BTNL8: variants seen among roughly 807,000 people sequenced by gnomAD.
BTNL8 encodes the protein butyrophilin like 8.
A neutral mutation model predicts 36.1 loss-of-function variants in BTNL8; 22 were observed. The observed-to-expected ratio is 0.61, with a 90% confidence interval of 0.44 to 0.87. BTNL8 has a LOEUF of 0.87. BTNL8 is among the 40% of genes least tolerant of loss of function. The pLI, the probability that BTNL8 is intolerant of heterozygous loss-of-function variation, is 0.00. For missense variants in BTNL8, 526 were observed against 616.9 expected (o/e 0.85, Z 1.56); for synonymous variants, 203 against 235.6 (o/e 0.86, Z 1.27).
chr5:180,905,300 T>C (rs1757028546), intron 1 of BTNL8, among the ~76,000 whole-genome samples: 1 of 150,370 alleles, frequency 6.7e-6, no homozygotes, highest in Non-Finnish European at 1.5e-5. Flanking sequence ...CTAGATTTTC[T>C]AGTTTATTTG....
At chr5:180,949,492 G>A in intron 7 of BTNL8, 1 of 689,082 alleles carries the variant, frequency 1.5e-6, no homozygotes, top group East Asian at 3.3e-5. Context: ...CGGGAGACGG[G>A]GGGGTCTTTG....
chr5:180,946,931 T>C (rs1412981699), intron 3 of BTNL8, among the ~76,000 whole-genome samples: 1 of 152,176 alleles, frequency 6.6e-6, no homozygotes, highest in Non-Finnish European at 1.5e-5. Context: ...AGATAGTTTT[T>C]CAGACAAGAT....
chr5:180,916,510 A>G (rs957314075), intron 3 of BTNL8, among the ~76,000 whole-genome samples: 3 of 152,142 alleles, frequency 2.0e-5, no homozygotes, highest in African/African-American at 7.2e-5. Context: ...GAAAAACAAT[A>G]AAAAGATCAA....
rs541581528 is a variant in BTNL8, at chr5:180,950,034, G to A, written c.993G>A (p.Val331=). Residue 331 remains valine, a synonymous_variant, in exon 8 of 8, where the codon GTG becomes GTA. Transcript: ENST00000340184. The part of the protein sequence containing the change: ...SEKRFTRKSV[V]ASQSFQAGKH... ...AGAGATTTACAAGGAAGAGTGTGGT[G>A]GCTTCTCAGAGTTTCCAAGCAGGGA... 8.2e-6 allele frequency: 12 copies of A among 1,462,174 alleles called. 1 individual carries two copies. In the African/African-American group the frequency reaches 1.2e-4, roughly 15 times the overall value. 90.6% of individuals were successfully genotyped at this position (1,462,174 alleles called of 1,614,324 possible). A position where few individuals can be genotyped will look rare whatever the true frequency, so the allele number is the denominator to read the frequency against.
chr5:180,923,167 A>G (rs62406718), intron 3 of BTNL8, among the ~76,000 whole-genome samples: 112,040 of 152,032 alleles, frequency 0.74, 42,577 homozygotes, highest in African/African-American at 0.93. Flanking sequence ...TTTTAATTGG[A>G]GGATTTAGCC....
intron 3 of BTNL8, among the ~76,000 whole-genome samples, chr5:180,938,416 T>C (rs1418868717): frequency 1.3e-5 from 2 of 152,174 alleles, no homozygotes; most frequent in African/African-American, 2.4e-5. Flanking sequence ...TTAGTCAAAT[T>C]GTCAAAAGGA....
intron 1 of BTNL8, among the ~76,000 whole-genome samples, chr5:180,906,140 T>A (rs1757073208): frequency 6.9e-6 from 1 of 145,302 alleles, no homozygotes; most frequent in Admixed American, 6.8e-5. Context: ...TCTCCCATTA[T>A]TAATGTGTGG....
chr5:180,935,712 G>A lies in BTNL8; in HGVS notation c.674-11800G>A, dbSNP rs1364522903. Among the ~76,000 whole-genome samples the A allele has an allele frequency of 6.6e-6, 1 of 152,040 alleles. No homozygotes were observed. The highest frequency in any genetic ancestry group is 2.4e-5 in the African/African-American group (1 of 41,402). On this transcript the variant is annotated intron_variant, in intron 3 of 7. Transcript: ENST00000340184. The surrounding 1 kb of genome is among the most constrained non-coding windows in gnomAD (Gnocchi z 4.8). ...TGCCCCGTGGACTTGGTAGAGAGTG[G>A]GGCTCCCCCCATTCCCAGCCCCCTC...
chr5:180,917,879 A>G (rs1187033915), intron 3 of BTNL8, among the ~76,000 whole-genome samples: 1 of 151,922 alleles, frequency 6.6e-6, no homozygotes, highest in African/African-American at 2.4e-5. Flanking sequence ...ATACAAAAGA[A>G]TTAGCCGGGC....
chr5:180,920,204 C>A (rs1476447820), intron 3 of BTNL8, among the ~76,000 whole-genome samples: 1 of 151,904 alleles, frequency 6.6e-6, no homozygotes, highest in African/African-American at 2.4e-5. Flanking sequence ...TTTGCACCAA[C>A]CTAATAGTAA....
intron 1 of BTNL8, among the ~76,000 whole-genome samples, 184 bp downstream of exon 1, chr5:180,899,543 A>G (rs1756733312): frequency 6.6e-6 from 1 of 152,240 alleles, no homozygotes; most frequent in Non-Finnish European, 1.5e-5. Context: ...TAATGGAAAC[A>G]CGGGTGTTGA....
chr5:180,907,595 C>A (rs375257817), intron 1 of BTNL8, among the ~76,000 whole-genome samples: 5 of 147,198 alleles, frequency 3.4e-5, no homozygotes, highest in African/African-American at 1.3e-4. Context: ...GGAGGAGAGG[C>A]GCTCTGCTTT....
At chr5:180,923,922 A>G (rs1327107882) in intron 3 of BTNL8, among the ~76,000 whole-genome samples, 2 of 152,236 alleles carry the variant, frequency 1.3e-5, no homozygotes, top group Admixed American at 6.5e-5. Context: ...TTAATAAAAT[A>G]TTTTTATACT....
chr5:180,926,882 G>A (rs1758126356), intron 3 of BTNL8, among the ~76,000 whole-genome samples: 1 of 152,214 alleles, frequency 6.6e-6, no homozygotes, highest in Non-Finnish European at 1.5e-5. Context: ...GGAAGGAGAA[G>A]CTGTAGGCAC....
At position 180,947,499 on chromosome 5, in the gene BTNL8, G is replaced by T. The variant is rs1759318271; in HGVS notation, c.674-13G>T. On this transcript the variant is annotated splice_polypyrimidine_tract_variant and intron_variant, in intron 3 of 7. Coordinates refer to ENST00000340184, the MANE Select transcript of BTNL8 (RefSeq NM_001040462.3). ...TCACCAATAACTAAAATGTCTGTGG[G>T]ATTGTTTTTCAGATACCTTTTTCGA... The T allele has an allele frequency of 6.2e-7, 1 of 1,611,542 alleles. No homozygotes were observed. The highest frequency in any genetic ancestry group is 1.7e-5 in the Admixed American group (1 of 59,928).
chr5:180,901,932 C>T (rs1227916332), intron 1 of BTNL8, among the ~76,000 whole-genome samples: 1 of 152,128 alleles, frequency 6.6e-6, no homozygotes, highest in Non-Finnish European at 1.5e-5. Context: ...AGTGTCACAG[C>T]ATGTCTTTCA....
chr5:180,929,677 T>C (rs1427088234), intron 3 of BTNL8, among the ~76,000 whole-genome samples: 3 of 152,178 alleles, frequency 2.0e-5, no homozygotes, highest in African/African-American at 7.2e-5. Flanking sequence ...CAGAGAATAC[T>C]ATAAATCCCT....
intron 7 of BTNL8, chr5:180,949,481 ACG>A: frequency 1.4e-6 from 1 of 736,950 alleles, no homozygotes; most frequent in South Asian, 1.8e-5. Flanking sequence ...GGCTGGGTAA[ACG>A]GGAGACGGGG....
At chr5:180,908,970 A>T (rs1757253926) in intron 2 of BTNL8, 37 bp downstream of exon 2, 1 of 1,576,470 alleles carries the variant, frequency 6.3e-7, no homozygotes, top group South Asian at 1.1e-5. Flanking sequence ...TGTCCCAAAG[A>T]ACCATCCTGG....
Sources: allele counts gnomAD v4.1 joint callset (sites outside exome capture counted in the v4.1 genomes callset), GRCh38; gene constraint gnomAD v4.1.1; non-coding constraint Gnocchi (gnomAD v3.1); transcripts MANE v1.5; gene names NCBI Gene and HGNC (gene_info 2026-07-23, HGNC 2026-07-21).